The following ADARB2 variants were observed in gnomAD, a reference collection of about 807,000 sequenced individuals.
The protein encoded by ADARB2 is adenosine deaminase RNA specific B2 (inactive), also known as inactive double-stranded RNA-specific editase B2.
In ADARB2, 25 loss-of-function variants were observed where a neutral mutation model predicts 62.2. The observed-to-expected ratio is 0.40, with a 90% CI of 0.29 to 0.56. The LOEUF (loss-of-function observed/expected upper bound fraction) is 0.56, where lower values mean the gene tolerates loss of function less well. ADARB2 is among the 20% of genes least tolerant of loss of function. The pLI, the probability that ADARB2 is intolerant of heterozygous loss-of-function variation, is 0.43. For missense variants in ADARB2, 1,071 were observed against 1,077.4 expected, an observed-to-expected ratio of 0.99 and a Z score of 0.08; for synonymous variants, 572 against 500.8, an observed-to-expected ratio of 1.14 and a Z score of -1.90.
intron 3 of ADARB2, among the ~76,000 whole-genome samples, chr10:1,286,060 A>G (rs1258272520): frequency 7.1e-6 from 1 of 141,166 alleles, no homozygotes; most frequent in African/African-American, 2.6e-5. Flanking sequence ...ACTTTGTTTC[A>G]CAGCGGGGGC....
At chr10:1,602,263 C>A (rs1009500083) in intron 1 of ADARB2, among the ~76,000 whole-genome samples, 1 of 152,176 alleles carries the variant, frequency 6.6e-6, no homozygotes, top group Non-Finnish European at 1.5e-5. Context: ...GTGGAGGAGC[C>A]GCTTCCCGAG....
At chr10:1,367,205 G>A (rs1025339929) in intron 2 of ADARB2, among the ~76,000 whole-genome samples, 19 of 152,214 alleles carry the variant, frequency 1.2e-4, no homozygotes, top group Non-Finnish European at 2.5e-4. Flanking sequence ...GTTCAGCTCG[G>A]GGTGAAAACA....
intron 1 of ADARB2, among the ~76,000 whole-genome samples, chr10:1,662,579 A>G (rs1564361464): frequency 1.3e-5 from 2 of 152,152 alleles, no homozygotes; most frequent in African/African-American, 4.8e-5. Flanking sequence ...TGGTAATTTT[A>G]CCACAGCTAT....
chr10:1,440,819 C>T (rs944398719), intron 1 of ADARB2, among the ~76,000 whole-genome samples: 5 of 152,138 alleles, frequency 3.3e-5, no homozygotes, highest in Non-Finnish European at 7.4e-5. Context: ...AAATGGGGTC[C>T]TCAAGAGAAC....
At chr10:1,673,764 CCACTGCCACCGCT>C (rs1464688998) in intron 1 of ADARB2, among the ~76,000 whole-genome samples, 1 of 152,208 alleles carries the variant, frequency 6.6e-6, no homozygotes, top group African/African-American at 2.4e-5. Context: ...GGCCGTGCAG[CCACTGCCACCGCT>C]CACTGCCAGG....
At chr10:1,274,403 A>G (rs1392794442) in intron 3 of ADARB2, among the ~76,000 whole-genome samples, 1 of 152,216 alleles carries the variant, frequency 6.6e-6, no homozygotes, top group East Asian at 1.9e-4. Flanking sequence ...GGTGCCAGGC[A>G]TCTGATTCCA....
At chr10:1,401,179 G>A (rs1832658537) in intron 1 of ADARB2, among the ~76,000 whole-genome samples, 1 of 152,218 alleles carries the variant, frequency 6.6e-6, no homozygotes, top group South Asian at 2.1e-4. Context: ...TCCCGGATGA[G>A]AAGGAGCCTC....
intron 1 of ADARB2, among the ~76,000 whole-genome samples, chr10:1,627,010 T>G (rs940365184): frequency 3.3e-5 from 5 of 151,912 alleles, no homozygotes; most frequent in Non-Finnish European, 7.4e-5. Context: ...GTCCCACCTT[T>G]TCCCCGGGCC....
Position 1,299,989 on chromosome 10 carries a change from C to T in ADARB2, c.1078-28920G>A, listed in dbSNP as rs1258694698. Among the ~76,000 whole-genome samples the T allele has an allele frequency of 4.6e-5, 7 of 152,134 alleles. 1 individual carries two copies. In the South Asian group the frequency reaches 8.3e-4, roughly 18 times the overall value. ...AGTTACCTACCTCACCAGGGGGGCC[C>T]GGTGGAGGACCCTGGAGGCAGAGGT... On this transcript the variant is annotated intron_variant, in intron 3 of 9. Transcript: ENST00000381312.
chr10:1,235,209 A>T (rs1166804204), intron 5 of ADARB2, among the ~76,000 whole-genome samples: 2 of 145,010 alleles, frequency 1.4e-5, no homozygotes, highest in Non-Finnish European at 3.0e-5. Flanking sequence ...GTGTGTGATT[A>T]AAAGGAGGAA....
intron 8 of ADARB2, among the ~76,000 whole-genome samples, chr10:1,187,696 C>T (rs941718148): frequency 1.6e-4 from 24 of 152,230 alleles, no homozygotes; most frequent in African/African-American, 5.3e-4. Context: ...CAAACACCAC[C>T]GGGAAGGCAG....
At chr10:1,378,361 C>T (rs183210379) in intron 2 of ADARB2, among the ~76,000 whole-genome samples, 8 of 152,246 alleles carry the variant, frequency 5.3e-5, no homozygotes, top group East Asian at 1.9e-4. Context: ...TTGTACAAAC[C>T]GCGCTCTAAG....
chr10:1,278,601 CTT>C (rs35497339), intron 3 of ADARB2, among the ~76,000 whole-genome samples: 3 of 144,610 alleles, frequency 2.1e-5, no homozygotes, highest in African/African-American at 5.0e-5. Flanking sequence ...TGATTTCATT[CTT>C]TTTTTTTTTT....
chr10:1,216,414 A>C (rs1032431820), intron 7 of ADARB2: 2 of 158,004 alleles, frequency 1.3e-5, no homozygotes, highest in African/African-American at 4.8e-5. Context: ...GCTCCTCTGC[A>C]CAGAGCTCAG....
chr10:1,261,908 A>G (rs1831141014), intron 4 of ADARB2, among the ~76,000 whole-genome samples: 1 of 149,048 alleles, frequency 6.7e-6, no homozygotes, highest in African/African-American at 2.6e-5. Flanking sequence ...TCCAACAATG[A>G]TAGACTGGAT....
chr10:1,729,114 T>C lies in ADARB2; in HGVS notation c.100+7937A>G, dbSNP rs567924670. Among the ~76,000 whole-genome samples the C allele has an allele frequency of 7.7e-4, 117 of 152,348 alleles. 1 individual carries two copies. Among genetic ancestry groups the C allele is most frequent in the African/African-American group, 2.8e-3 (115 of 41,584 alleles). On this transcript the variant is annotated intron_variant, in intron 1 of 9. Coordinates refer to ENST00000381312, the MANE Select transcript of ADARB2 (RefSeq NM_018702.4). ...TTCTTTGAGAGCCTGGATAGTCCTT[T>C]AAAAAGGTTATCTGTAGTAGTAACA...
chr10:1,453,864 G>A (rs746316932), intron 1 of ADARB2, among the ~76,000 whole-genome samples: 17 of 152,144 alleles, frequency 1.1e-4, no homozygotes, highest in Non-Finnish European at 2.2e-4. Context: ...AAAATGGAAC[G>A]CTGTGCACTG....
At chr10:1,292,348 A>ATAT (rs1321888726) in intron 3 of ADARB2, 2 of 152,360 alleles carry the variant, frequency 1.3e-5, no homozygotes, top group African/African-American at 4.8e-5. Flanking sequence ...AAAGTTGCAT[A>ATAT]TATTACTGTC....
At chr10:1,304,584 C>T (rs1432810260) in intron 3 of ADARB2, among the ~76,000 whole-genome samples, 1 of 151,976 alleles carries the variant, frequency 6.6e-6, no homozygotes, top group South Asian at 2.1e-4. Flanking sequence ...TTTTTTTCAG[C>T]ACCACACCAC....
Sources: gnomAD v4.1 joint callset for allele counts (sites outside exome capture counted in the v4.1 genomes callset) on GRCh38, gnomAD v4.1.1 for gene constraint, MANE v1.5 for transcripts, NCBI Gene and HGNC (gene_info 2026-07-23, HGNC 2026-07-21) for gene names.